Variants in COL12A1 observed in about 807,000 individuals in gnomAD.
The protein encoded by COL12A1 is collagen alpha-1(XII) chain.
COL12A1 carries 114 observed loss-of-function variants against 349.7 expected under a neutral mutation model. The ratio of observed to expected loss-of-function variants is 0.33; its 90% CI spans 0.28 to 0.38. The LOEUF is 0.38. Among genes scored for constraint, COL12A1 ranks in the 10% least tolerant of loss-of-function variants. The pLI is 1.00. For missense variants in COL12A1, 3,284 were observed against 3,756.9 expected (o/e 0.87, Z 3.29); for synonymous variants, 1,369 against 1,329.0 (o/e 1.03, Z -0.66).
intron 63 of COL12A1, 103 bp from the exon 64 acceptor site, chr6:75,089,277 G>T: frequency 1.2e-6 from 1 of 845,498 alleles, no homozygotes; most frequent in Non-Finnish European, 1.8e-6. Flanking sequence ...CATTTCCTTA[G>T]TGAAAGCAGA....
intron 33 of COL12A1, 25 bp from the exon 34 acceptor site, chr6:75,133,447 G>C (rs756009991): frequency 6.3e-7 from 1 of 1,589,294 alleles, no homozygotes; most frequent in African/African-American, 1.4e-5. Flanking sequence ...AAAACAAAAA[G>C]CATTGACTTG....
intron 31 of COL12A1, 132 bp downstream of exon 31, chr6:75,137,302 GATT>G (rs1766664236): frequency 1.2e-6 from 1 of 802,006 alleles, no homozygotes; most frequent in Admixed American, 3.1e-5. Context: ...TAAAGAGTCA[GATT>G]ATTCCATCCA....
intron 40 of COL12A1, among the ~76,000 whole-genome samples, chr6:75,124,712 T>C (rs1765927676): frequency 6.6e-6 from 1 of 152,148 alleles, no homozygotes; most frequent in Non-Finnish European, 1.5e-5. Context: ...CCTTAAAATA[T>C]ATCTGTGGAC....
chr6:75,184,179 G>A (rs1368880300), intron 8 of COL12A1, 35 bp from the exon 9 acceptor site: 1 of 1,595,918 alleles, frequency 6.3e-7, no homozygotes, highest in Admixed American at 1.7e-5. Context: ...ATTAATAACA[G>A]TGAGATGTAA....
intron 43 of COL12A1, among the ~76,000 whole-genome samples, chr6:75,122,200 T>C (rs955527086): frequency 3.9e-5 from 6 of 152,218 alleles, no homozygotes; most frequent in Non-Finnish European, 8.8e-5. Context: ...GGAGAAGATT[T>C]TTATTGGAAT....
rs1387804566 is a variant in COL12A1, at chr6:75,086,224, C to A, written c.*323G>T. The A allele has an allele frequency of 5.8e-6, 1 of 171,564 alleles. No individual in the cohort carries two copies. The highest frequency in any genetic ancestry group is 2.4e-5 in the African/African-American group (1 of 42,130). 10.6% of individuals were successfully genotyped at this position (171,564 alleles called of 1,614,324 possible). A position where few individuals can be genotyped will look rare whatever the true frequency, so the allele number is the denominator to read the frequency against. ...GTTTTTCTTAAAATGGCATAGACTCCTCTGGTTAGTAGTTTTATTATGCAC... is the reference window on the plus strand; with the variant it reads ...GTTTTTCTTAAAATGGCATAGACTCATCTGGTTAGTAGTTTTATTATGCAC... On this transcript the variant is annotated 3_prime_UTR_variant, in exon 66 of 66. Transcript: ENST00000322507.
intron 11 of COL12A1, among the ~76,000 whole-genome samples, chr6:75,179,088 T>A (rs1380084471): frequency 1.3e-5 from 2 of 152,306 alleles, no homozygotes; most frequent in East Asian, 3.9e-4. Flanking sequence ...AGATAATCTA[T>A]GGAAAACATT....
At position 75,103,759 on chromosome 6, in the gene COL12A1, T is replaced by C. The variant is rs1254845133; in HGVS notation, c.8317A>G (p.Ile2773Val). The C allele has an allele frequency of 6.2e-7, 1 of 1,612,966 alleles. No individual in the cohort carries two copies. The highest frequency in any genetic ancestry group is 2.2e-5 in the East Asian group (1 of 44,856). ...PRGERGISGA[I>V]GPPGPRGDIG... Reference sequence around the variant, plus strand: ...AATGCACTCTAAAATATACTTACAATTGCCCCACTGATACCTCTTTCACCT... The same window carrying C: ...AATGCACTCTAAAATATACTTACAACTGCCCCACTGATACCTCTTTCACCT... Residue 2773 changes from isoleucine to valine, a missense_variant and splice_region_variant, in exon 55 of 66, where the codon ATT becomes GTT. By Grantham distance (29) the Ile-to-Val change is conservative (BLOSUM62 3). Transcript: ENST00000322507.
rs776830409 is a variant in COL12A1 at position 75,101,658 on chromosome 6, A to C, written c.8470-5T>G. ...GCCAGGTAATCCTGGGGTTCCCTGC[A>C]CAGAAGGAAACAAACAAGTGAAACA... On this transcript the variant is annotated splice_polypyrimidine_tract_variant and splice_region_variant and intron_variant, in intron 57 of 65. Coordinates refer to ENST00000322507, the MANE Select transcript of COL12A1 (RefSeq NM_004370.6). The C allele has an allele frequency of 6.2e-7, 1 of 1,612,772 alleles. No homozygotes were observed. The highest frequency in any genetic ancestry group is 8.5e-7 in the Non-Finnish European group (1 of 1,179,538).
At chr6:75,088,228 T>C (rs1260352943) in intron 64 of COL12A1, among the ~76,000 whole-genome samples, 1 of 152,004 alleles carries the variant, frequency 6.6e-6, no homozygotes, top group Non-Finnish European at 1.5e-5. Flanking sequence ...AAGGGTATCA[T>C]GTGCCTTATA....
chr6:75,182,165 G>C (rs760210754), intron 10 of COL12A1, among the ~76,000 whole-genome samples: 8 of 151,778 alleles, frequency 5.3e-5, no homozygotes, highest in Non-Finnish European at 8.8e-5. Flanking sequence ...TAGCATGATA[G>C]TGCTAGGACA....
At chr6:75,099,542 G>A (rs112443070) in intron 58 of COL12A1, among the ~76,000 whole-genome samples, 1,739 of 152,204 alleles carry the variant, frequency 0.011, 25 homozygotes, top group African/African-American at 0.039. Flanking sequence ...AAATATATTC[G>A]TAAATTGGAG....
chr6:75,144,669 T>C (rs950634721), intron 25 of COL12A1, among the ~76,000 whole-genome samples: 1 of 152,178 alleles, frequency 6.6e-6, no homozygotes, highest in Non-Finnish European at 1.5e-5. Flanking sequence ...AAGTCAGAAG[T>C]ACACAAAAGG....
At chr6:75,124,471 A>G in intron 40 of COL12A1, 100 bp from the exon 41 acceptor site, 1 of 845,056 alleles carries the variant, frequency 1.2e-6, no homozygotes, top group Non-Finnish European at 1.8e-6. Flanking sequence ...TGGCTAAAAA[A>G]AAGTTCAAAA....
At chr6:75,097,604 G>A (rs2149337821) in intron 58 of COL12A1, among the ~76,000 whole-genome samples, 1 of 152,294 alleles carries the variant, frequency 6.6e-6, no homozygotes, top group Non-Finnish European at 1.5e-5. Flanking sequence ...CAGGAAGGCA[G>A]ATTCCCTTCA....
intron 3 of COL12A1, among the ~76,000 whole-genome samples, chr6:75,192,772 A>G (rs186869780): frequency 1.8e-4 from 27 of 152,238 alleles, no homozygotes; most frequent in African/African-American, 6.5e-4. Flanking sequence ...GATGAAAATA[A>G]ACTCAAAGAA....
intron 51 of COL12A1, 137 bp downstream of exon 51, chr6:75,113,067 C>T (rs1051842512): frequency 1.1e-5 from 5 of 461,802 alleles, no homozygotes; most frequent in Non-Finnish European, 1.5e-5. Flanking sequence ...TTGAATTAAC[C>T]AAATTCTCTA....
chr6:75,116,001 C>T lies in COL12A1; in HGVS notation c.7558+18G>A. 1 of 1,613,166 alleles carries T rather than the reference C, an allele frequency of 6.2e-7. No homozygotes were observed. On this transcript the variant is annotated intron_variant, in intron 48 of 65. Coordinates refer to ENST00000322507, the MANE Select transcript of COL12A1 (RefSeq NM_004370.6). ...CTTAAATCTGGAAATTAATTTGCCC[C>T]AAAGTATAAATGCTTACCTGGTGAG...
chr6:75,114,972 A>T (rs1435537443), intron 49 of COL12A1, among the ~76,000 whole-genome samples: 1 of 152,086 alleles, frequency 6.6e-6, no homozygotes, highest in Non-Finnish European at 1.5e-5. Flanking sequence ...TCACTGAAAA[A>T]CCTAGAACTC....
Sources: allele counts gnomAD v4.1 joint callset (sites outside exome capture counted in the v4.1 genomes callset), GRCh38; gene constraint gnomAD v4.1.1; transcripts MANE v1.5; gene names NCBI Gene and HGNC (gene_info 2026-07-23, HGNC 2026-07-21).